TSTD2: variants seen among roughly 807,000 people sequenced by gnomAD.
TSTD2 encodes the protein thiosulfate sulfurtransferase like domain containing 2, also known as thiosulfate sulfurtransferase/rhodanese-like domain-containing protein 2.
Under a neutral mutation model 47.9 loss-of-function variants are expected in TSTD2, and 37 were observed. The ratio of observed to expected loss-of-function variants is 0.77; its 90% confidence interval spans 0.59 to 1.02. TSTD2 has a LOEUF of 1.02. TSTD2 is among the 50% of genes least tolerant of loss of function. The pLI is 0.00. For missense variants in TSTD2, 586 were observed against 616.0 expected (o/e 0.95, Z 0.52); for synonymous variants, 201 against 215.9 (o/e 0.93, Z 0.61).
rs186752404 is a variant in TSTD2 at position 97,600,860 on chromosome 9, C to G, written c.*1609G>C. The G allele has an allele frequency of 9.2e-7, 1 of 1,090,438 alleles. No homozygotes were observed. The highest frequency in any genetic ancestry group is 8.3e-5 in the East Asian group (1 of 12,072). The allele number at this position is 1,090,438 out of a possible 1,614,324, so 67.5% of individuals were successfully genotyped here. A position where few individuals can be genotyped will look rare whatever the true frequency, so the allele number is the denominator to read the frequency against. Reference sequence around the variant, plus strand: ...CTTGGGATCCAGCAAAAGTGTTAAGCCACAATGCCCTTGTGCCTTTTAATA... The same window carrying G: ...CTTGGGATCCAGCAAAAGTGTTAAGGCACAATGCCCTTGTGCCTTTTAATA... On this transcript the variant is annotated 3_prime_UTR_variant, in exon 10 of 10. Transcript: ENST00000341170.
At position 97,602,320 on chromosome 9, in the gene TSTD2, C is replaced by T. The variant is rs1055622145; in HGVS notation, c.*149G>A. The T allele has an allele frequency of 7.8e-6, 7 of 900,984 alleles. No individual in the cohort carries two copies. Among genetic ancestry groups the T allele is most frequent in the Admixed American group, 3.0e-5 (1 of 32,968 alleles). 55.8% of individuals were successfully genotyped at this position (900,984 alleles called of 1,614,324 possible). On this transcript the variant is annotated 3_prime_UTR_variant, in exon 10 of 10. Coordinates refer to ENST00000341170, the MANE Select transcript of TSTD2 (RefSeq NM_139246.5). ...GTAGACAACGTGACTCCTCCCCTCC[C>T]GCTGTGAAGTGTAGACGGCTGCCAC...
At position 97,604,775 on chromosome 9, in the gene TSTD2, C is replaced by G. The variant is rs1258099161; in HGVS notation, c.1204G>C (p.Val402Leu). 6 of 1,614,048 alleles carry G rather than the reference C, an allele frequency of 3.7e-6. No individual in the cohort carries two copies. The highest frequency in any genetic ancestry group is 1.3e-5 in the African/African-American group (1 of 74,908). Reference sequence around the variant, plus strand: ...GACAGAGCATAGCGTTCATCAAAAACAAACAACTTCCCTTTGTAAAAGCCA... The same window carrying G: ...GACAGAGCATAGCGTTCATCAAAAAGAAACAACTTCCCTTTGTAAAAGCCA... ...PDGFYKGKLF[V>L]FDERYALSYN... The change falls in exon 9 of 10, where the codon GTT becomes CTT. Residue 402 changes from valine (V) to leucine (L), a missense_variant. Val to Leu is a conservative substitution (Grantham distance 32). Transcript: ENST00000341170.
At chr9:97,604,480 C>T in intron 9 of TSTD2, 1 of 446,442 alleles carries the variant, frequency 2.2e-6, no homozygotes, top group Non-Finnish European at 3.9e-6. Context: ...TGAGATGATC[C>T]CCATGTTAAT....
intron 1 of TSTD2, among the ~76,000 whole-genome samples, chr9:97,629,112 T>C (rs1201112534): frequency 2.6e-5 from 4 of 152,154 alleles, no homozygotes; most frequent in Admixed American, 6.5e-5. Context: ...ACATGCAAAG[T>C]AGTCCCAAAC....
intron 3 of TSTD2, among the ~76,000 whole-genome samples, chr9:97,622,775 G>A (rs1826661412): frequency 6.6e-6 from 1 of 152,256 alleles, no homozygotes; most frequent in South Asian, 2.1e-4. Context: ...TGACTGCCCT[G>A]CTGGATTTAG....
intron 9 of TSTD2, among the ~76,000 whole-genome samples, chr9:97,603,661 C>T (rs537646550): frequency 3.9e-5 from 6 of 152,254 alleles, no homozygotes; most frequent in Non-Finnish European, 5.9e-5. Context: ...ATGTGTGCTA[C>T]GGATTTACTT....
At chr9:97,627,337 T>C (rs549619934) in intron 2 of TSTD2, 61 bp downstream of exon 2, 461 of 1,505,694 alleles carry the variant, frequency 3.1e-4, no homozygotes, top group Non-Finnish European at 4.0e-4. Context: ...GATAACCGAC[T>C]TCCAAATGTA....
chr9:97,606,986 G>A (rs541302135), intron 6 of TSTD2, among the ~76,000 whole-genome samples: 24 of 152,236 alleles, frequency 1.6e-4, no homozygotes, highest in Middle Eastern at 6.8e-3. Context: ...GGAACATAGC[G>A]AGACTCTGTC....
chr9:97,601,319 G>A lies in TSTD2; in HGVS notation c.*1150C>T, dbSNP rs1160358106. Reference sequence around the variant, plus strand: ...CATGTGCCTGGCACACTGGCCAGAAGACTGGGCAGCCACCATGGCAGTGCT... The same window carrying A: ...CATGTGCCTGGCACACTGGCCAGAAAACTGGGCAGCCACCATGGCAGTGCT... On this transcript the variant is annotated 3_prime_UTR_variant, in exon 10 of 10. Coordinates refer to ENST00000341170, the MANE Select transcript of TSTD2 (RefSeq NM_139246.5). 5 of 1,157,192 alleles carry A rather than the reference G, an allele frequency of 4.3e-6. No individual in the cohort carries two copies. Among genetic ancestry groups the A allele is most frequent in the Non-Finnish European group, 5.4e-6 (5 of 921,964 alleles). The allele number at this position is 1,157,192 out of a possible 1,614,324, so 71.7% of individuals were successfully genotyped here.
intron 4 of TSTD2, among the ~76,000 whole-genome samples, chr9:97,613,218 A>C (rs1292538497): frequency 1.3e-5 from 2 of 152,216 alleles, no homozygotes; most frequent in Admixed American, 6.5e-5. Context: ...AAAATCCTAA[A>C]GCACAGAGTA....
intron 9 of TSTD2, 46 bp downstream of exon 9, chr9:97,604,681 C>A: frequency 6.2e-7 from 1 of 1,611,438 alleles, no homozygotes; most frequent in Non-Finnish European, 8.5e-7. Flanking sequence ...AGTGAACTGA[C>A]AATGTGCTTC....
intron 7 of TSTD2, 63 bp from the exon 8 acceptor site, chr9:97,605,704 T>C: frequency 6.2e-7 from 1 of 1,604,682 alleles, no homozygotes; most frequent in African/African-American, 1.3e-5. Context: ...GAACAAAGGT[T>C]CTTTTTGTAC....
At chr9:97,618,802 C>A (rs1826584568) in intron 3 of TSTD2, among the ~76,000 whole-genome samples, 1 of 152,112 alleles carries the variant, frequency 6.6e-6, no homozygotes, top group South Asian at 2.1e-4. Flanking sequence ...TCCTCAACAG[C>A]CTCATCATAT....
intron 5 of TSTD2, 22 bp from the exon 6 acceptor site, chr9:97,610,473 A>C (rs1287098861): frequency 1.3e-6 from 2 of 1,511,318 alleles, no homozygotes; most frequent in African/African-American, 2.8e-5. Context: ...GAAACAAAAC[A>C]GAATACAGTC....
intron 3 of TSTD2, among the ~76,000 whole-genome samples, chr9:97,624,692 G>A (rs1180894765): frequency 6.6e-6 from 1 of 151,314 alleles, no homozygotes; most frequent in East Asian, 1.9e-4. Context: ...ACTATACTCT[G>A]TTTAATTATG....
intron 1 of TSTD2, among the ~76,000 whole-genome samples, chr9:97,629,528 G>C (rs1420063313): frequency 6.6e-6 from 1 of 152,170 alleles, no homozygotes; most frequent in Non-Finnish European, 1.5e-5. Context: ...TGAAAAATAA[G>C]TGGAAGAGAC....
At position 97,600,867 on chromosome 9, in the gene TSTD2, GC is replaced by G; in HGVS notation, c.*1601del. On this transcript the variant is annotated 3_prime_UTR_variant, in exon 10 of 10. Transcript: ENST00000341170. ...TCCAGCAAAAGTGTTAAGCCACAAT[GC>G]CCTTGTGCCTTTTAATATACCACAG... is the stretch of plus-strand genomic sequence containing the variant. 1 of 1,102,016 alleles carries G rather than the reference GC, an allele frequency of 9.1e-7. No homozygotes were observed. Among genetic ancestry groups the G allele is most frequent in the Non-Finnish European group, 1.1e-6 (1 of 894,202 alleles). 68.3% of individuals were successfully genotyped at this position (1,102,016 alleles called of 1,614,324 possible).
chr9:97,627,480 A>C lies in TSTD2; in HGVS notation c.83T>G (p.Met28Arg). ...ACTGCTGCTGGGATTAATAAGACTC[A>C]TATCTTTTAAATCCAGGTCAGAAAA... ...LRFSDLDLKD[M>R]SLINPSSSLK... Residue 28 changes from methionine (M) to arginine (R), a missense_variant, in exon 2 of 10, where the codon ATG becomes AGG. Physicochemically the swap from Met to Arg is moderately conservative, Grantham distance 91 (BLOSUM62 -1). Coordinates refer to ENST00000341170, the MANE Select transcript of TSTD2 (RefSeq NM_139246.5). 8.7e-6 allele frequency: 14 copies of C among 1,613,786 alleles called. No homozygotes were observed. The highest frequency in any genetic ancestry group is 1.2e-5 in the Non-Finnish European group (14 of 1,179,742).
At chr9:97,617,705 T>C in intron 4 of TSTD2, 52 bp downstream of exon 4, 1 of 1,560,470 alleles carries the variant, frequency 6.4e-7, no homozygotes. Flanking sequence ...CAATCCAAGG[T>C]TGGCAGGCAA....
Sources: allele counts gnomAD v4.1 joint callset (sites outside exome capture counted in the v4.1 genomes callset), GRCh38; gene constraint gnomAD v4.1.1; transcripts MANE v1.5; gene names NCBI Gene and HGNC (gene_info 2026-07-23, HGNC 2026-07-21).